SRSF12: variants seen among roughly 807,000 people sequenced by gnomAD.
SRSF12 encodes serine/arginine-rich splicing factor 12.
Under a neutral mutation model 34.1 loss-of-function variants are expected in SRSF12, and 21 were observed. That is an observed-to-expected ratio of 0.62 (90% CI 0.44 to 0.89). SRSF12 has a LOEUF of 0.89. SRSF12 is among the 40% of genes least tolerant of loss of function. SRSF12 has a pLI of 0.00. For missense variants in SRSF12, 278 were observed against 327.8 expected, an observed-to-expected ratio of 0.85 and a Z score of 1.17; for synonymous variants, 111 against 110.8, an observed-to-expected ratio of 1.00 and a Z score of -0.01.
chr6:89,106,851 T>C (rs1200106835), intron 2 of SRSF12: 1 of 396,850 alleles, frequency 2.5e-6, no homozygotes, highest in Non-Finnish European at 4.9e-6. Flanking sequence ...TTTTGCTTGA[T>C]AAAGACTTCC....
chr6:89,109,784 G>T (rs533940398), intron 1 of SRSF12, among the ~76,000 whole-genome samples: 1 of 152,284 alleles, frequency 6.6e-6, no homozygotes, highest in South Asian at 2.1e-4. Flanking sequence ...AAACACCCAT[G>T]TATCTACCAA....
rs140142097 is a variant in SRSF12 at position 89,102,542 on chromosome 6, C to T, written c.416+2577G>A. 6.6e-3 allele frequency among the ~76,000 whole-genome samples: 1,000 copies of T among 151,954 alleles called. 6 individuals carry two copies. Among genetic ancestry groups the T allele is most frequent in the Middle Eastern group, 0.01 (3 of 294 alleles). On this transcript the variant is annotated intron_variant, in intron 4 of 4. Coordinates refer to ENST00000452027, the MANE Select transcript of SRSF12 (RefSeq NM_080743.5). ...TATTAAATTTCATTCATTTTGTAGA[C>T]AGCTGTAGGAAGCAAAATGAAGAAA...
At chr6:89,103,337 T>C (rs897581085) in intron 4 of SRSF12, among the ~76,000 whole-genome samples, 2 of 151,982 alleles carry the variant, frequency 1.3e-5, no homozygotes, top group Non-Finnish European at 2.9e-5. Flanking sequence ...AATTCTTTTT[T>C]TTTTTTTTTG....
intron 4 of SRSF12, among the ~76,000 whole-genome samples, chr6:89,099,527 CACACAT>C (rs1282593065): frequency 3.0e-5 from 4 of 132,512 alleles, no homozygotes; most frequent in Non-Finnish European, 4.7e-5. Context: ...CACACACACA[CACACAT>C]ACATGTTTTT....
At position 89,118,016 on chromosome 6, in the gene SRSF12, C is replaced by CGCCAGCGCGCAGCCGCAGAG. The variant is rs1465578189; in HGVS notation, c.-149_-130dup. 1 of 954,770 alleles carries CGCCAGCGCGCAGCCGCAGAG rather than the reference C, an allele frequency of 1.0e-6. No individual in the cohort carries two copies. The highest frequency in any genetic ancestry group is 1.5e-6 in the Non-Finnish European group (1 of 680,292). The allele number at this position is 954,770 out of a possible 1,614,324, so 59.1% of individuals were successfully genotyped here. On this transcript the variant is annotated 5_prime_UTR_variant, in exon 1 of 5. Transcript: ENST00000452027. ...GACCCCCACCCCTCGGCCTCAGCCCCGCCAGCGCGCAGCCGCAGAGGCCGG... is the reference window on the plus strand; with the variant it reads ...GACCCCCACCCCTCGGCCTCAGCCCCGCCAGCGCGCAGCCGCAGAGGCCAGCGCGCAGCCGCAGAGGCCGG...
In SRSF12 at chr6:89,098,562, C is replaced by T. The variant is rs556351872; in HGVS notation, c.*16G>A. On this transcript the variant is annotated 3_prime_UTR_variant, in exon 5 of 5. Coordinates refer to ENST00000452027, the MANE Select transcript of SRSF12 (RefSeq NM_080743.5). ...AACTTATATTAAAGACGGCGTGGTG[C>T]TCTTTCTGTTGCTGTTCACCAACTG... 3 of 1,591,230 alleles carry T rather than the reference C, an allele frequency of 1.9e-6. No individual in the cohort carries two copies. Among genetic ancestry groups the T allele is most frequent in the Admixed American group, 1.7e-5 (1 of 57,730 alleles).
Position 89,107,271 on chromosome 6 carries a change from A to T in SRSF12, c.66-13T>A. 6.2e-7 allele frequency: 1 copy of T among 1,601,842 alleles called. No homozygotes were observed. ...CAAGTCCTCAGGCCTGAAGTGTTTT[A>T]GAAATAAGGCAAAGAAATATGAATA... On this transcript the variant is annotated splice_polypyrimidine_tract_variant and intron_variant, in intron 1 of 4. Coordinates refer to ENST00000452027, the MANE Select transcript of SRSF12 (RefSeq NM_080743.5).
chr6:89,099,473 T>A (rs1287636569), intron 4 of SRSF12, among the ~76,000 whole-genome samples: 1 of 146,480 alleles, frequency 6.8e-6, no homozygotes, highest in African/African-American at 2.6e-5. Flanking sequence ...TGTGTGTGTA[T>A]ATATATATGT....
At chr6:89,102,641 TGAG>T (rs1161560799) in intron 4 of SRSF12, among the ~76,000 whole-genome samples, 2 of 152,176 alleles carry the variant, frequency 1.3e-5, no homozygotes, top group African/African-American at 4.8e-5. Context: ...AAAAGGGAGT[TGAG>T]GAGCAATTTT....
chr6:89,112,872 T>G (rs991129054), intron 1 of SRSF12, among the ~76,000 whole-genome samples: 16 of 152,226 alleles, frequency 1.1e-4, no homozygotes, highest in Non-Finnish European at 2.4e-4. Context: ...TTAAAAAATC[T>G]TTTACACCAT....
At position 89,115,168 on chromosome 6, in the gene SRSF12, G is replaced by A. The variant is rs116859734; in HGVS notation, c.65+2655C>T. Among the ~76,000 whole-genome samples, 12 of 152,154 alleles carry A rather than the reference G, an allele frequency of 7.9e-5. No individual in the cohort carries two copies. In the East Asian group the frequency reaches 1.9e-3, roughly 25 times the overall value. On this transcript the variant is annotated intron_variant, in intron 1 of 4. Transcript: ENST00000452027. ...GCTGGAGTACAGTGATGTGATCATC[G>A]TTCACTGTAACCTTGACCTCCCGGG... is the stretch of plus-strand genomic sequence containing the variant.
chr6:89,103,925 T>C (rs555804364), intron 4 of SRSF12, among the ~76,000 whole-genome samples: 1 of 152,260 alleles, frequency 6.6e-6, no homozygotes, highest in South Asian at 2.1e-4. Flanking sequence ...TAACTTATCT[T>C]TTATAAGTAA....
At chr6:89,108,332 A>G (rs1768888956) in intron 1 of SRSF12, among the ~76,000 whole-genome samples, 2 of 152,222 alleles carry the variant, frequency 1.3e-5, no homozygotes, top group South Asian at 4.1e-4. Flanking sequence ...CCCTGTGGTT[A>G]TTTACAGATG....
Position 89,105,201 on chromosome 6 carries a change from A to G in SRSF12, c.334T>C (p.Ser112Pro). Residue 112 changes from serine (S) to proline (P), a missense_variant, in exon 4 of 5, where the codon TCA becomes CCA. Ser to Pro is a moderately conservative substitution (Grantham distance 74). Transcript: ENST00000452027. ...GTTCTTCTTTGGCTGGGGCTTCTTG[A>G]TCTCCTGTGATCACTTGGAGAACAA... The part of the protein sequence containing the change: ...HPCSPSDHRR[S>P]RSPSQRRTRS... The G allele has an allele frequency of 6.2e-7, 1 of 1,612,100 alleles. No individual in the cohort carries two copies. Among genetic ancestry groups the G allele is most frequent in the African/African-American group, 1.3e-5 (1 of 74,940 alleles).
Position 89,107,111 on chromosome 6 carries a change from C to T in SRSF12, c.170+43G>A, listed in dbSNP as rs761949556. 18 of 1,500,536 alleles carry T rather than the reference C, an allele frequency of 1.2e-5. No homozygotes were observed. The African/African-American group carries it at 2.3e-4, about 19-fold the overall frequency. 93.0% of individuals were successfully genotyped at this position (1,500,536 alleles called of 1,614,324 possible). A position where few individuals can be genotyped will look rare whatever the true frequency, so the allele number is the denominator to read the frequency against. On this transcript the variant is annotated intron_variant, in intron 2 of 4. Transcript: ENST00000452027. The stretch of plus-strand genomic sequence containing the variant: ...CTGAATACATATATGTATAAGCACG[C>T]ATATACAGTATATTCACATGCACAC...
intron 1 of SRSF12, among the ~76,000 whole-genome samples, chr6:89,114,738 A>G (rs1769212372): frequency 6.6e-6 from 1 of 152,230 alleles, no homozygotes; most frequent in African/African-American, 2.4e-5. Flanking sequence ...TTTGGCCTGC[A>G]TGACGTTTAA....
chr6:89,117,550 C>A (rs2297311), intron 1 of SRSF12, among the ~76,000 whole-genome samples: 9,565 of 152,280 alleles, frequency 0.063, 878 homozygotes, highest in African/African-American at 0.2. Context: ...GGCCCGCCGG[C>A]TGCGGTGCTG....
chr6:89,099,031 T>C lies in SRSF12; in HGVS notation c.417-84A>G, dbSNP rs1024667976. ...AACACTTTCAGGAACTTACATACTTTACATAACATTAGTTATATTTTTACT... is the reference window on the plus strand; with the variant it reads ...AACACTTTCAGGAACTTACATACTTCACATAACATTAGTTATATTTTTACT... On this transcript the variant is annotated intron_variant, in intron 4 of 4. Transcript: ENST00000452027. 7.7e-6 allele frequency: 11 copies of C among 1,432,800 alleles called. No individual in the cohort carries two copies. In the African/African-American group the frequency reaches 1.4e-4, roughly 19 times the overall value. The allele number at this position is 1,432,800 out of a possible 1,614,324, so 88.8% of individuals were successfully genotyped here.
intron 4 of SRSF12, among the ~76,000 whole-genome samples, chr6:89,099,506 A>G (rs57294991): frequency 0.025 from 1,393 of 56,178 alleles, 32 homozygotes; most frequent in African/African-American, 0.14. Context: ...ATATGTGTGT[A>G]TATATATATA....
Sources: allele counts gnomAD v4.1 joint callset (sites outside exome capture counted in the v4.1 genomes callset), GRCh38; gene constraint gnomAD v4.1.1; transcripts MANE v1.5; gene names NCBI Gene and HGNC (gene_info 2026-07-23, HGNC 2026-07-21).